ESYT2: variants seen among roughly 807,000 people sequenced by gnomAD.
ESYT2 encodes extended synaptotagmin-2.
A neutral mutation model predicts 107.2 loss-of-function variants in ESYT2; 54 were observed. That is an observed-to-expected ratio of 0.50 (90% CI 0.40 to 0.63). The LOEUF is 0.63. Ranked by LOEUF, ESYT2 falls within the 30% of genes least tolerant of loss-of-function variation. The pLI is 0.00. For missense variants in ESYT2, 1,020 were observed against 1,094.5 expected, an observed-to-expected ratio of 0.93 and a Z score of 0.96; for synonymous variants, 491 against 434.1, an observed-to-expected ratio of 1.13 and a Z score of -1.63.
chr7:158,742,692 C>G (rs1837257440), intron 17 of ESYT2, among the ~76,000 whole-genome samples: 1 of 152,210 alleles, frequency 6.6e-6, no homozygotes, highest in Non-Finnish European at 1.5e-5. Flanking sequence ...TGAGCAGAGT[C>G]CACACCTTGT....
At chr7:158,792,118 A>G (rs1563023139) in intron 4 of ESYT2, among the ~76,000 whole-genome samples, 1 of 145,978 alleles carries the variant, frequency 6.9e-6, no homozygotes. Flanking sequence ...TTCACTTTGT[A>G]TCCGGCTACT....
intron 21 of ESYT2, among the ~76,000 whole-genome samples, chr7:158,734,704 C>CTG (rs1035820085): frequency 3.9e-5 from 6 of 152,256 alleles, no homozygotes; most frequent in African/African-American, 1.2e-4. Context: ...ACAGCAATTG[C>CTG]TGGAGCCCAG....
intron 7 of ESYT2, among the ~76,000 whole-genome samples, chr7:158,770,477 A>AT (rs1838321759): frequency 6.6e-6 from 1 of 151,144 alleles, no homozygotes; most frequent in African/African-American, 2.4e-5. Flanking sequence ...GTAAGTATAT[A>AT]TTTTTAATGA....
In ESYT2 at chr7:158,793,677, C is replaced by T. The variant is rs754959676; in HGVS notation, c.557G>A (p.Arg186Lys). The T allele has an allele frequency of 5.6e-6, 9 of 1,613,316 alleles. No individual in the cohort carries two copies. Among genetic ancestry groups the T allele is most frequent in the Non-Finnish European group, 7.6e-6 (9 of 1,179,664 alleles). ...AATCTGAAGGTCCAAAATAATTTGCCTTTTGTCTACATTTTCAGTGTATAC... is the reference window on the plus strand; with the variant it reads ...AATCTGAAGGTCCAAAATAATTTGCTTTTTGTCTACATTTTCAGTGTATAC... ...VKVYTENVDK[R>K]QIILDLQISF... Residue 186 changes from arginine to lysine, a missense_variant, in exon 4 of 23, where the codon AGG becomes AAG. Arg to Lys is a conservative substitution (Grantham distance 26, BLOSUM62 2). Transcript: ENST00000275418.
intron 13 of ESYT2, among the ~76,000 whole-genome samples, chr7:158,759,020 C>T (rs1837868141): frequency 6.6e-6 from 1 of 152,210 alleles, no homozygotes; most frequent in African/African-American, 2.4e-5. Flanking sequence ...CACCCGGAGG[C>T]CAGCTCGCTT....
chr7:158,822,712 G>A (rs1377178572), intron 1 of ESYT2, among the ~76,000 whole-genome samples: 1 of 152,200 alleles, frequency 6.6e-6, no homozygotes. Flanking sequence ...TCAGGAGGCT[G>A]AGGCAGGAGG....
At chr7:158,784,201 A>G (rs944695891) in intron 6 of ESYT2, among the ~76,000 whole-genome samples, 4 of 152,228 alleles carry the variant, frequency 2.6e-5, no homozygotes, top group East Asian at 1.9e-4. Context: ...CAGATCCCAG[A>G]AAGTCGGGGA....
intron 8 of ESYT2, among the ~76,000 whole-genome samples, chr7:158,767,142 G>A (rs747015137): frequency 1.3e-5 from 2 of 152,128 alleles, no homozygotes; most frequent in African/African-American, 2.4e-5. Context: ...ATCTAGTTTT[G>A]TTCTTTCCAT....
At chr7:158,784,336 C>T (rs919320706) in intron 6 of ESYT2, among the ~76,000 whole-genome samples, 1 of 152,346 alleles carries the variant, frequency 6.6e-6, no homozygotes, top group Non-Finnish European at 1.5e-5. Flanking sequence ...TAAGAATGGG[C>T]TTCAGGGAGC....
intron 1 of ESYT2, among the ~76,000 whole-genome samples, chr7:158,806,099 G>A (rs113484204): frequency 1.3e-5 from 2 of 150,130 alleles, no homozygotes; most frequent in Admixed American, 6.6e-5. Context: ...GGGGCACACC[G>A]CGTGGGAGGC....
intron 1 of ESYT2, among the ~76,000 whole-genome samples, chr7:158,803,568 T>A (rs1839707772): frequency 6.6e-6 from 1 of 152,312 alleles, no homozygotes; most frequent in South Asian, 2.1e-4. Context: ...TTAAAATGTT[T>A]TATATTGTTC....
At chr7:158,755,694 G>A (rs766523374) in intron 13 of ESYT2, among the ~76,000 whole-genome samples, 4 of 152,204 alleles carry the variant, frequency 2.6e-5, no homozygotes, top group Non-Finnish European at 4.4e-5. Flanking sequence ...ACATATATGA[G>A]TAGACAGCCA....
At position 158,734,098 on chromosome 7, in the gene ESYT2, T is replaced by C; in HGVS notation, c.*109A>G. ...TTTTATAAAACTATTAAGGTATGTATAACTAAATCCATGAAATTATAAAAA... is the reference window on the plus strand; with the variant it reads ...TTTTATAAAACTATTAAGGTATGTACAACTAAATCCATGAAATTATAAAAA... On this transcript the variant is annotated 3_prime_UTR_variant, in exon 23 of 23. Transcript: ENST00000275418. 1.5e-6 allele frequency: 2 copies of C among 1,335,246 alleles called. No individual in the cohort carries two copies. Among genetic ancestry groups the C allele is most frequent in the Non-Finnish European group, 1.0e-6 (1 of 955,084 alleles). The allele number at this position is 1,335,246 out of a possible 1,614,324, so 82.7% of individuals were successfully genotyped here.
chr7:158,797,108 C>T (rs545519234), intron 3 of ESYT2, among the ~76,000 whole-genome samples: 10 of 151,732 alleles, frequency 6.6e-5, no homozygotes, highest in South Asian at 6.3e-4. Flanking sequence ...GAAACGCACC[C>T]GGTAGACCTT....
intron 6 of ESYT2, among the ~76,000 whole-genome samples, chr7:158,784,768 T>C (rs1317773338): frequency 6.6e-6 from 1 of 152,234 alleles, no homozygotes; most frequent in African/African-American, 2.4e-5. Context: ...TAGGATTCAA[T>C]TTCTTCTCAT....
At chr7:158,767,344 T>A (rs538534216) in intron 8 of ESYT2, among the ~76,000 whole-genome samples, 14 of 152,342 alleles carry the variant, frequency 9.2e-5, no homozygotes, top group Non-Finnish European at 1.8e-4. Flanking sequence ...ATGCAGTATG[T>A]GCTTTCTGAG....
At chr7:158,763,442 G>A (rs1202687103) in intron 9 of ESYT2, among the ~76,000 whole-genome samples, 1 of 151,926 alleles carries the variant, frequency 6.6e-6, no homozygotes, top group African/African-American at 2.4e-5. Context: ...TTACAGGCAT[G>A]TGCCACCATG....
intron 19 of ESYT2, among the ~76,000 whole-genome samples, chr7:158,738,357 A>C: frequency 1.3e-5 from 2 of 150,348 alleles, no homozygotes; most frequent in East Asian, 2.0e-4. Context: ...ACACACACAC[A>C]CACACACACA....
At position 158,781,293 on chromosome 7, in the gene ESYT2, T is replaced by G. The variant is rs544728510; in HGVS notation, c.747+6711A>C. ...TGAGTGAACGAGTGTGAGAACAGTG[T>G]GCGGTGTGTGAGAACAACTGTGAGA... is the stretch of plus-strand genomic sequence containing the variant. On this transcript the variant is annotated intron_variant, in intron 6 of 22. Coordinates refer to ENST00000275418, the MANE Select transcript of ESYT2 (RefSeq NM_001367773.1). Among the ~76,000 whole-genome samples the G allele has an allele frequency of 1.8e-3, 79 of 43,548 alleles. 1 individual carries two copies. The highest frequency in any genetic ancestry group is 0.017 in the Middle Eastern group (1 of 58). The allele number at this position is 43,548 out of a possible 152,430, so 28.6% of individuals were successfully genotyped here.
Sources: allele counts gnomAD v4.1 joint callset (sites outside exome capture counted in the v4.1 genomes callset), GRCh38; gene constraint gnomAD v4.1.1; transcripts MANE v1.5; gene names NCBI Gene and HGNC (gene_info 2026-07-23, HGNC 2026-07-21).